CSMD3: variants seen among roughly 807,000 people sequenced by gnomAD.
CSMD3 encodes CUB and sushi domain-containing protein 3.
In CSMD3, 177 loss-of-function variants were observed where a neutral mutation model predicts 435.2. The observed-to-expected ratio is 0.41, with a 90% CI of 0.36 to 0.46. The LOEUF (loss-of-function observed/expected upper bound fraction) is 0.46. Among genes scored for constraint, CSMD3 ranks in the 20% least tolerant of loss-of-function variants. The pLI is 0.34. For missense variants in CSMD3, 4,265 were observed against 4,504.6 expected, an observed-to-expected ratio of 0.95 and a Z score of 1.52; for synonymous variants, 1,656 against 1,520.5, an observed-to-expected ratio of 1.09 and a Z score of -2.07.
intron 5 of CSMD3, among the ~76,000 whole-genome samples, chr8:113,095,749 G>A (rs1372914259): frequency 1.3e-5 from 2 of 152,086 alleles, no homozygotes; most frequent in East Asian, 1.9e-4. Context: ...CATTATATTA[G>A]GTATTGTACA....
chr8:113,050,592 T>C (rs2088043690), intron 5 of CSMD3, among the ~76,000 whole-genome samples: 1 of 152,050 alleles, frequency 6.6e-6, no homozygotes, highest in African/African-American at 2.4e-5. Context: ...TATATCAAGC[T>C]TTACAGAATA....
At chr8:112,755,452 C>T (rs1000344468) in intron 13 of CSMD3, among the ~76,000 whole-genome samples, 1 of 151,378 alleles carries the variant, frequency 6.6e-6, no homozygotes, top group African/African-American at 2.4e-5. Context: ...TCTTTTCCCC[C>T]ACTTCGTTCT....
intron 1 of CSMD3, among the ~76,000 whole-genome samples, chr8:113,407,505 T>G (rs952663530): frequency 2.6e-5 from 4 of 152,096 alleles, no homozygotes; most frequent in African/African-American, 9.7e-5. Context: ...ATGAGCTACA[T>G]CTAAAAGATT....
At chr8:112,365,218 C>G (rs1827650546) in intron 38 of CSMD3, among the ~76,000 whole-genome samples, 1 of 152,078 alleles carries the variant, frequency 6.6e-6, no homozygotes, top group African/African-American at 2.4e-5. Context: ...TGCCTGCCTC[C>G]TTCCTCTTCA....
At chr8:112,553,508 C>G (rs1303002180) in intron 25 of CSMD3, among the ~76,000 whole-genome samples, 1 of 151,808 alleles carries the variant, frequency 6.6e-6, no homozygotes, top group Non-Finnish European at 1.5e-5. Context: ...GTCTTTAAAC[C>G]CTAGAAACAA....
At chr8:113,319,363 G>T (rs528864648) in intron 1 of CSMD3, among the ~76,000 whole-genome samples, 1 of 152,078 alleles carries the variant, frequency 6.6e-6, no homozygotes, top group South Asian at 2.1e-4. Context: ...CTTCTTTGGA[G>T]AAATGTCTGT....
intron 3 of CSMD3, among the ~76,000 whole-genome samples, chr8:113,250,316 A>G (rs538957516): frequency 6.3e-4 from 96 of 152,208 alleles, no homozygotes; most frequent in African/African-American, 2.3e-3. Flanking sequence ...TCCATTAAAA[A>G]CAAAGAAGGC....
chr8:112,335,503 G>A, intron 44 of CSMD3, 29 bp from the exon 45 acceptor site: 1 of 1,607,904 alleles, frequency 6.2e-7, no homozygotes, highest in Non-Finnish European at 8.5e-7. Context: ...GAAAGGAGGA[G>A]AGATCAAGAT....
intron 10 of CSMD3, among the ~76,000 whole-genome samples, chr8:112,898,232 T>C (rs532061438): frequency 6.6e-6 from 1 of 151,272 alleles, no homozygotes; most frequent in East Asian, 2.0e-4. Flanking sequence ...GATAGTGATA[T>C]TGGTGGACTG....
At chr8:112,466,975 G>A (rs1818020390) in intron 32 of CSMD3, among the ~76,000 whole-genome samples, 1 of 152,064 alleles carries the variant, frequency 6.6e-6, no homozygotes, top group African/African-American at 2.4e-5. Flanking sequence ...ACTTCAATGA[G>A]AAATAAGAAA....
intron 3 of CSMD3, among the ~76,000 whole-genome samples, chr8:113,254,735 T>C (rs1309426911): frequency 6.6e-6 from 1 of 150,572 alleles, no homozygotes; most frequent in Non-Finnish European, 1.5e-5. Context: ...AATTTCTTTT[T>C]AAATGAAGTA....
chr8:113,294,803 C>T lies in CSMD3; in HGVS notation c.402-16099G>A, dbSNP rs553246115. ...ACATTCACCTTAATAAAGGACAATC[C>T]TAATTACAGACTTGCGGAAGGAGAA... is the stretch of plus-strand genomic sequence containing the variant. On this transcript the variant is annotated intron_variant, in intron 2 of 70. Transcript: ENST00000297405. Among the ~76,000 whole-genome samples, 4 of 152,046 alleles carry T rather than the reference C, an allele frequency of 2.6e-5. No individual in the cohort carries two copies. In the East Asian group the frequency reaches 7.8e-4, roughly 30 times the overall value.
intron 4 of CSMD3, among the ~76,000 whole-genome samples, chr8:113,122,876 C>T (rs926205107): frequency 6.6e-6 from 1 of 151,590 alleles, no homozygotes; most frequent in African/African-American, 2.4e-5. Context: ...ACATTTGTAA[C>T]ATGATTTCCT....
intron 52 of CSMD3, among the ~76,000 whole-genome samples, chr8:112,302,964 A>AT (rs747093589): frequency 1.3e-5 from 2 of 151,946 alleles, no homozygotes; most frequent in Non-Finnish European, 2.9e-5. Flanking sequence ...ATTAATTGCA[A>AT]TTCCTAAATT....
At chr8:112,570,162 T>C (rs1343267233) in intron 24 of CSMD3, among the ~76,000 whole-genome samples, 1 of 151,914 alleles carries the variant, frequency 6.6e-6, no homozygotes, top group Non-Finnish European at 1.5e-5. Flanking sequence ...AAGAATTTTG[T>C]GAATATTTAA....
chr8:113,367,201 CAT>C (rs2094317866), intron 1 of CSMD3, among the ~76,000 whole-genome samples: 1 of 151,842 alleles, frequency 6.6e-6, no homozygotes, highest in Non-Finnish European at 1.5e-5. Context: ...ATTTCCAACA[CAT>C]ATTCCTGTTT....
At chr8:112,649,518 T>A (rs558419817) in intron 19 of CSMD3, among the ~76,000 whole-genome samples, 1 of 152,320 alleles carries the variant, frequency 6.6e-6, no homozygotes, top group South Asian at 2.1e-4. Flanking sequence ...TGGATTTACA[T>A]TGAGTGTGCT....
chr8:112,638,914 AT>A lies in CSMD3; in HGVS notation c.3311-4del. On this transcript the variant is annotated splice_region_variant and splice_polypyrimidine_tract_variant and intron_variant, in intron 20 of 70. Coordinates refer to ENST00000297405, the MANE Select transcript of CSMD3 (RefSeq NM_198123.2). ...AGTGTGGAAGTTGAACTGCACACCT[AT>A]TAAGAAAAATAGAAACACTGAATTT... The A allele has an allele frequency of 6.3e-7, 1 of 1,588,704 alleles. No individual in the cohort carries two copies. The highest frequency in any genetic ancestry group is 1.1e-5 in the South Asian group (1 of 90,548).
intron 4 of CSMD3, among the ~76,000 whole-genome samples, chr8:113,149,633 T>C (rs1484903672): frequency 1.3e-5 from 2 of 151,940 alleles, no homozygotes; most frequent in Non-Finnish European, 2.9e-5. Context: ...GTCTTGTGAT[T>C]GTACATGGTG....
Sources: allele counts gnomAD v4.1 joint callset (sites outside exome capture counted in the v4.1 genomes callset), GRCh38; gene constraint gnomAD v4.1.1; transcripts MANE v1.5; gene names NCBI Gene and HGNC (gene_info 2026-07-23, HGNC 2026-07-21).